Variants in IL10RA observed in about 807,000 individuals in gnomAD.
IL10RA encodes interleukin 10 receptor subunit alpha.
Under a neutral mutation model 29.6 loss-of-function variants are expected in IL10RA, and 18 were observed. The ratio of observed to expected loss-of-function variants is 0.61; its 90% CI spans 0.42 to 0.90. The LOEUF (loss-of-function observed/expected upper bound fraction) is 0.90, where lower values mean the gene tolerates loss of function less well. IL10RA is among the 40% of genes least tolerant of loss of function. The pLI is 0.00. For missense variants in IL10RA, 634 were observed against 716.6 expected (o/e 0.88, Z 1.32); for synonymous variants, 292 against 294.1 (o/e 0.99, Z 0.07).
In IL10RA at chr11:117,986,513, CGTCTTGGCTCAGACGCTCATGG is replaced by C; in HGVS notation, c.47_67+1del. 6.4e-7 allele frequency: 1 copy of C among 1,555,868 alleles called. No homozygotes were observed. Among genetic ancestry groups the C allele is most frequent in the Non-Finnish European group, 8.7e-7 (1 of 1,149,556 alleles). On this transcript the variant is annotated splice_donor_variant and coding_sequence_variant, in exon 1 of 7. Transcript: ENST00000227752. LOFTEE classifies it high-confidence loss of function. ...GCTGCTGGCGGCGCTCCTCAGCCTC[CGTCTTGGCTCAGACGCTCATGG>C]TAAGGCTCCGGGACGCGGCCCTTCC...
In IL10RA at chr11:118,000,023, C is replaced by G. The variant is rs1004592528; in HGVS notation, c.*382C>G. 12 of 468,144 alleles carry G rather than the reference C, an allele frequency of 2.6e-5. No homozygotes were observed. The highest frequency in any genetic ancestry group is 4.6e-5 in the Non-Finnish European group (11 of 236,738). 29.0% of individuals were successfully genotyped at this position (468,144 alleles called of 1,614,324 possible). Reference sequence around the variant, plus strand: ...TGAGGCCACCAGGCTGAAGTCAGCTCAGACCCAGACCTCCCTGCTTAGGCC... The same window carrying G: ...TGAGGCCACCAGGCTGAAGTCAGCTGAGACCCAGACCTCCCTGCTTAGGCC... On this transcript the variant is annotated 3_prime_UTR_variant, in exon 7 of 7. Transcript: ENST00000227752.
rs754511480 is a variant in IL10RA, at chr11:118,000,404, G to T, written c.*763G>T. Reference sequence around the variant, plus strand: ...GCATCCCCCTGGGGCACTTGCTGAGGCCAAGCCACTCACATCCTCACTTTG... The same window carrying T: ...GCATCCCCCTGGGGCACTTGCTGAGTCCAAGCCACTCACATCCTCACTTTG... On this transcript the variant is annotated 3_prime_UTR_variant, in exon 7 of 7. Transcript: ENST00000227752. The T allele has an allele frequency of 2.2e-6, 1 of 454,098 alleles. No individual in the cohort carries two copies. The highest frequency in any genetic ancestry group is 4.4e-6 in the Non-Finnish European group (1 of 226,792). 28.1% of individuals were successfully genotyped at this position (454,098 alleles called of 1,614,324 possible).
In IL10RA at chr11:117,999,675, T is replaced by A. The variant is rs771637818; in HGVS notation, c.*34T>A. ...GAGAGGCTGCTTTTGATTTTAGCCA[T>A]GCCTGCTCCTCTGCCTGGACCAGGA... is the stretch of plus-strand genomic sequence containing the variant. On this transcript the variant is annotated 3_prime_UTR_variant, in exon 7 of 7. Coordinates refer to ENST00000227752, the MANE Select transcript of IL10RA (RefSeq NM_001558.4). 6.4e-7 allele frequency: 1 copy of A among 1,574,736 alleles called. No individual in the cohort carries two copies. Among genetic ancestry groups the A allele is most frequent in the Admixed American group, 1.7e-5 (1 of 59,988 alleles).
rs747629159 is a variant in IL10RA at position 117,989,666 on chromosome 11, C to T, written c.367+46C>T. The T allele has an allele frequency of 6.4e-7, 1 of 1,569,546 alleles. No individual in the cohort carries two copies. Among genetic ancestry groups the T allele is most frequent in the South Asian group, 1.1e-5 (1 of 89,434 alleles). On this transcript the variant is annotated intron_variant, in intron 3 of 6. Coordinates refer to ENST00000227752, the MANE Select transcript of IL10RA (RefSeq NM_001558.4). This position sits in a 1 kb window ranked among gnomAD's most constrained non-coding sequence, Gnocchi z 4.5. ...TAGAACATGGCTCTGAAGTCCCTTC[C>T]AGCCAGGAACTCTAGTCTAGAGCTT...
At chr11:117,997,776 A>C (rs1591265536) in intron 6 of IL10RA, among the ~76,000 whole-genome samples, 1 of 152,144 alleles carries the variant, frequency 6.6e-6, no homozygotes, top group African/African-American at 2.4e-5. Context: ...TCTAGGAACA[A>C]AGTGCTAGGA....
Position 117,999,476 on chromosome 11 carries a change from A to C in IL10RA, c.1572A>C (p.Ser524=). Residue 524 remains serine, a synonymous_variant, in exon 7 of 7, where the codon TCA becomes TCC. Transcript: ENST00000227752. Reference sequence around the variant, plus strand: ...GGAACCAGCCCACTGAGGAATGGTCACTCCTGGCCTTGAGCAGCTGCAGTG... The same window carrying C: ...GGAACCAGCCCACTGAGGAATGGTCCCTCCTGGCCTTGAGCAGCTGCAGTG... ...GQWNQPTEEW[S]LLALSSCSDL... 1 of 1,614,078 alleles carries C rather than the reference A, an allele frequency of 6.2e-7. No homozygotes were observed. Among genetic ancestry groups the C allele is most frequent in the African/African-American group, 1.3e-5 (1 of 75,010 alleles).
At position 117,999,215 on chromosome 11, in the gene IL10RA, C is replaced by G; in HGVS notation, c.1311C>G (p.Asp437Glu). ...AGCCTGAGGTGCCTGGGGAAGAAGACCCAGCTGCTGTGGCATTCCAGGGTT... is the reference window on the plus strand; with the variant it reads ...AGCCTGAGGTGCCTGGGGAAGAAGAGCCAGCTGCTGTGGCATTCCAGGGTT... ...PPEPEVPGEE[D>E]PAAVAFQGYL... The change falls in exon 7 of 7, where the codon GAC (aspartate) becomes GAG (glutamate). Residue 437 changes from aspartate to glutamate, a missense_variant. Transcript: ENST00000227752. 1 of 1,614,242 alleles carries G rather than the reference C, an allele frequency of 6.2e-7. No individual in the cohort carries two copies. The highest frequency in any genetic ancestry group is 1.7e-5 in the Admixed American group (1 of 60,034).
intron 3 of IL10RA, among the ~76,000 whole-genome samples, chr11:117,991,007 G>A (rs778685285): frequency 7.9e-5 from 12 of 152,080 alleles, no homozygotes; most frequent in Non-Finnish European, 1.5e-4. Flanking sequence ...GACCAGCCTG[G>A]CTGACAAGGT....
At chr11:117,995,737 C>A in intron 6 of IL10RA, 27 bp downstream of exon 6, 10 of 1,608,800 alleles carry the variant, frequency 6.2e-6, no homozygotes, top group Non-Finnish European at 8.5e-6. Flanking sequence ...GGTCACTGCC[C>A]CGTCCTTCCC....
At chr11:117,997,923 G>A (rs4252287) in intron 6 of IL10RA, among the ~76,000 whole-genome samples, 16,498 of 152,118 alleles carry the variant, frequency 0.11, 941 homozygotes, top group Admixed American at 0.14. Flanking sequence ...AAAGTGCCGA[G>A]AGCATTTCAA....
chr11:117,999,943 T>A lies in IL10RA; in HGVS notation c.*302T>A, dbSNP rs1346591392. ...CTTCTCCCTCCTAGGAACTCTTTCC[T>A]GTATCATAAAGGATTATTTGCTCAG... On this transcript the variant is annotated 3_prime_UTR_variant, in exon 7 of 7. Coordinates refer to ENST00000227752, the MANE Select transcript of IL10RA (RefSeq NM_001558.4). 1 of 570,200 alleles carries A rather than the reference T, an allele frequency of 1.8e-6. No individual in the cohort carries two copies. Among genetic ancestry groups the A allele is most frequent in the South Asian group, 1.5e-5 (1 of 65,532 alleles). 35.3% of individuals were successfully genotyped at this position (570,200 alleles called of 1,614,324 possible).
At chr11:117,986,869 C>A (rs541615530) in intron 1 of IL10RA, 1 of 1,391,300 alleles carries the variant, frequency 7.2e-7, no homozygotes, top group Admixed American at 2.1e-5. Flanking sequence ...GACTTCTTGT[C>A]CCCTTGGGGA....
At chr11:117,988,933 G>A (rs1228671676) in intron 2 of IL10RA, among the ~76,000 whole-genome samples, 2 of 152,084 alleles carry the variant, frequency 1.3e-5, no homozygotes, top group Non-Finnish European at 2.9e-5. Context: ...GCTAATGTTT[G>A]CATTTTTAGT....
Position 118,000,202 on chromosome 11 carries a change from C to A in IL10RA, c.*561C>A, listed in dbSNP as rs1164659902. The A allele has an allele frequency of 6.6e-6, 3 of 454,244 alleles. No homozygotes were observed. Among genetic ancestry groups the A allele is most frequent in the Non-Finnish European group, 1.3e-5 (3 of 226,816 alleles). 28.1% of individuals were successfully genotyped at this position (454,244 alleles called of 1,614,324 possible). A position where few individuals can be genotyped will look rare whatever the true frequency, so the allele number is the denominator to read the frequency against. ...GGCCTCTGGGGCAGGAAGCTTGTCA[C>A]TGGAAGATCTTAAGGTATATATTTT... On this transcript the variant is annotated 3_prime_UTR_variant, in exon 7 of 7. Coordinates refer to ENST00000227752, the MANE Select transcript of IL10RA (RefSeq NM_001558.4).
At chr11:117,993,045 G>A (rs1022368172) in intron 3 of IL10RA, 196 bp from the exon 4 acceptor site, 3 of 594,900 alleles carry the variant, frequency 5.0e-6, no homozygotes, top group South Asian at 2.0e-5. Context: ...TGATGCATCT[G>A]ATTTTAGGGT....
At position 118,000,202 on chromosome 11, in the gene IL10RA, C is replaced by T. The variant is rs1164659902; in HGVS notation, c.*561C>T. Reference sequence around the variant, plus strand: ...GGCCTCTGGGGCAGGAAGCTTGTCACTGGAAGATCTTAAGGTATATATTTT... The same window carrying T: ...GGCCTCTGGGGCAGGAAGCTTGTCATTGGAAGATCTTAAGGTATATATTTT... On this transcript the variant is annotated 3_prime_UTR_variant, in exon 7 of 7. Transcript: ENST00000227752. 6 of 454,244 alleles carry T rather than the reference C, an allele frequency of 1.3e-5. No homozygotes were observed. The highest frequency in any genetic ancestry group is 7.8e-5 in the South Asian group (5 of 64,480). The allele number at this position is 454,244 out of a possible 1,614,324, so 28.1% of individuals were successfully genotyped here. A position where few individuals can be genotyped will look rare whatever the true frequency, so the allele number is the denominator to read the frequency against.
At chr11:117,993,214 A>G in intron 3 of IL10RA, 27 bp from the exon 4 acceptor site, 1 of 1,604,192 alleles carries the variant, frequency 6.2e-7, no homozygotes. Context: ...GTCTCATGGT[A>G]TTCCCCCCCA....
chr11:117,988,401 T>G lies in IL10RA; in HGVS notation c.87T>G (p.Pro29=). The change falls in exon 2 of 7, where the codon CCT becomes CCG. Residue 29 remains proline (P), a synonymous_variant. Coordinates refer to ENST00000227752, the MANE Select transcript of IL10RA (RefSeq NM_001558.4). ...CCCCAGGGACAGAGCTGCCCAGCCC[T>G]CCGTCTGTGTGGTTTGAAGCAGAAT... is the stretch of plus-strand genomic sequence containing the variant. The part of the protein sequence containing the change: ...SDAHGTELPS[P]PSVWFEAEFF... 2 of 1,614,156 alleles carry G rather than the reference T, an allele frequency of 1.2e-6. No individual in the cohort carries two copies. Among genetic ancestry groups the G allele is most frequent in the Non-Finnish European group, 1.7e-6 (2 of 1,180,014 alleles).
At position 117,999,538 on chromosome 11, in the gene IL10RA, T is replaced by C. The variant is rs1439867341; in HGVS notation, c.1634T>C (p.Leu545Pro). The change falls in exon 7 of 7, where the codon CTT becomes CCT. Residue 545 changes from leucine to proline, a missense_variant. Physicochemically the swap from Leu to Pro is moderately conservative, Grantham distance 98 (BLOSUM62 -3). Transcript: ENST00000227752. ...TCTGACTGGAGCTTTGCCCATGACC[T>C]TGCCCCTCTAGGCTGTGTGGCAGCC... is the stretch of plus-strand genomic sequence containing the variant. The part of the protein sequence containing the change: ...GISDWSFAHD[L>P]APLGCVAAPG... The C allele has an allele frequency of 6.2e-7, 1 of 1,614,198 alleles. No homozygotes were observed.
Sources: gnomAD v4.1 joint callset for allele counts (sites outside exome capture counted in the v4.1 genomes callset) on GRCh38, gnomAD v4.1.1 for gene constraint, Gnocchi (gnomAD v3.1) non-coding constraint, MANE v1.5 for transcripts, NCBI Gene and HGNC (gene_info 2026-07-23, HGNC 2026-07-21) for gene names.